Variants in LAMA5 observed in about 807,000 individuals in gnomAD.
LAMA5 encodes the protein laminin subunit alpha 5.
In LAMA5, 260 loss-of-function variants were observed where a neutral mutation model predicts 433.4. The observed-to-expected ratio is 0.60, with a 90% CI of 0.54 to 0.66. The LOEUF is 0.66. Ranked by LOEUF, LAMA5 falls within the 30% of genes least tolerant of loss-of-function variation. The pLI is 0.00. For synonymous variants in LAMA5, 2,620 were observed against 2,226.6 expected, an observed-to-expected ratio of 1.18 and a Z score of -4.97; for missense variants, 5,378 against 5,258.5, an observed-to-expected ratio of 1.02 and a Z score of -0.70.
Position 62,322,698 on chromosome 20 carries a change from C to A in LAMA5, c.6125G>T (p.Cys2042Phe). Residue 2042 changes from cysteine (C) to phenylalanine (F), a missense_variant, in exon 46 of 80, where the codon TGC becomes TTC. Physicochemically the swap from Cys to Phe is radical, Grantham distance 205. Transcript: ENST00000252999. ...ACDPHSGHCL[C>F]KAGVTGRRCD... ...GCGCCGCCCAGTCACGCCCGCCTTG[C>A]ACAGGCAGTGCCCGCTGTGGGGGTC... 6.5e-7 allele frequency: 1 copy of A among 1,549,122 alleles called. No individual in the cohort carries two copies. The highest frequency in any genetic ancestry group is 8.7e-7 in the Non-Finnish European group (1 of 1,149,072).
At position 62,312,351 on chromosome 20, in the gene LAMA5, C is replaced by T. The variant is rs762393154; in HGVS notation, c.9361-35G>A. 7 of 1,602,724 alleles carry T rather than the reference C, an allele frequency of 4.4e-6. No homozygotes were observed. In the Admixed American group the frequency reaches 1.0e-4, roughly 23 times the overall value. ...GGCCATCCCTGAGTGCCCGCGGGTG[C>T]CCCTGCATGTCCACAGATGCCACCC... On this transcript the variant is annotated intron_variant, in intron 68 of 79. Transcript: ENST00000252999.
chr20:62,330,432 G>C, intron 31 of LAMA5, 56 bp downstream of exon 31: 2 of 1,470,966 alleles, frequency 1.4e-6, no homozygotes, highest in Non-Finnish European at 1.8e-6. Context: ...TGTGGCGCCG[G>C]CATTCCAGCC....
chr20:62,312,769 G>T lies in LAMA5; in HGVS notation c.9090C>A (p.Phe3030Leu). 1 of 1,590,680 alleles carries T rather than the reference G, an allele frequency of 6.3e-7. No individual in the cohort carries two copies. Among genetic ancestry groups the T allele is most frequent in the Non-Finnish European group, 8.5e-7 (1 of 1,171,164 alleles). ...LTSASKAIQVFLLGGSRKRVL... is the reference protein window; with the variant it reads ...LTSASKAIQVLLLGGSRKRVL... ...CACGCTTGCGGCTGCCCCCCAGCAG[G>T]AACACCTGGATCTACAGGACCAGTG... is the stretch of plus-strand genomic sequence containing the variant. Residue 3030 changes from phenylalanine to leucine, a missense_variant, in exon 67 of 80, where the codon TTC (phenylalanine) becomes TTA (leucine). By Grantham distance (22) the Phe-to-Leu change is conservative (BLOSUM62 0). Transcript: ENST00000252999.
chr20:62,312,145 G>A, intron 69 of LAMA5, 28 bp downstream of exon 69: 1 of 1,609,910 alleles, frequency 6.2e-7, no homozygotes, highest in Non-Finnish European at 8.5e-7. Context: ...CCGCGGGGTG[G>A]GGAATGGGCA....
chr20:62,358,103 G>C (rs1046646461), intron 2 of LAMA5, among the ~76,000 whole-genome samples: 1 of 152,160 alleles, frequency 6.6e-6, no homozygotes, highest in South Asian at 2.1e-4. Flanking sequence ...GGCCTGGGGG[G>C]TCTAGGTGGG....
Position 62,333,137 on chromosome 20 carries a change from G to T in LAMA5, c.3235C>A (p.Gln1079Lys). ...AGTGGCGGGTGCGACGGGCTGAGCT[G>T]CTCCGTGGGGCAGGGCCGGGGCAGG... ...NSLPRPCPTE[Q>K]LSPSHPPLIT... The change falls in exon 26 of 80, where the codon CAG becomes AAG. Residue 1079 changes from glutamine (Q) to lysine (K), a missense_variant. Gln to Lys is a moderately conservative substitution (Grantham distance 53, BLOSUM62 1). Coordinates refer to ENST00000252999, the MANE Select transcript of LAMA5 (RefSeq NM_005560.6). The T allele has an allele frequency of 6.7e-7, 1 of 1,502,878 alleles. No homozygotes were observed. Among genetic ancestry groups the T allele is most frequent in the Non-Finnish European group, 8.9e-7 (1 of 1,128,726 alleles). 93.1% of individuals were successfully genotyped at this position (1,502,878 alleles called of 1,614,324 possible).
At chr20:62,358,400 T>C (rs1286505680) in intron 2 of LAMA5, among the ~76,000 whole-genome samples, 1 of 152,168 alleles carries the variant, frequency 6.6e-6, no homozygotes, top group Non-Finnish European at 1.5e-5. Flanking sequence ...CGCCGAGCTC[T>C]GTAACTAGAG....
In LAMA5 at chr20:62,346,107, C is replaced by T. The variant is rs1337281628; in HGVS notation, c.1391G>A (p.Gly464Asp). The part of the protein sequence containing the change: ...SGERCDVCAE[G>D]FTGFPSCYPT... ...GTAGCAGCTTGGGAAGCCCGTGAAG[C>T]CCTCGGCACACACGTCACACCGCTC... The change falls in exon 10 of 80, where the codon GGC becomes GAC. Residue 464 changes from glycine (G) to aspartate (D), a missense_variant. By Grantham distance (94) the Gly-to-Asp change is moderately conservative. Transcript: ENST00000252999. The T allele has an allele frequency of 1.2e-6, 2 of 1,612,896 alleles. No individual in the cohort carries two copies. The highest frequency in any genetic ancestry group is 1.7e-6 in the Non-Finnish European group (2 of 1,180,004).
At chr20:62,348,784 G>C (rs1983751515) in intron 6 of LAMA5, among the ~76,000 whole-genome samples, 3 of 152,152 alleles carry the variant, frequency 2.0e-5, no homozygotes, top group Non-Finnish European at 1.5e-5. Context: ...CAGTGGAAGA[G>C]AGATTTAGTG....
chr20:62,336,883 GC>G, intron 16 of LAMA5, 97 bp from the exon 17 acceptor site: 4 of 1,230,902 alleles, frequency 3.2e-6, no homozygotes, highest in Non-Finnish European at 4.7e-6. Flanking sequence ...TCCCACAGGA[GC>G]TGAGGACCAG....
chr20:62,361,270 G>C (rs1362137298), intron 2 of LAMA5, among the ~76,000 whole-genome samples: 1 of 152,136 alleles, frequency 6.6e-6, no homozygotes, highest in Non-Finnish European at 1.5e-5. Flanking sequence ...GGCAGGGCTA[G>C]GGGCCTGGCA....
chr20:62,312,324 G>A lies in LAMA5; in HGVS notation c.9361-8C>T, dbSNP rs374898984. 77 of 1,607,838 alleles carry A rather than the reference G, an allele frequency of 4.8e-5. No individual in the cohort carries two copies. The highest frequency in any genetic ancestry group is 5.0e-5 in the Admixed American group (3 of 59,782). On this transcript the variant is annotated splice_polypyrimidine_tract_variant and splice_region_variant and intron_variant, in intron 68 of 79. Transcript: ENST00000252999. ...AGTCATGGCGCGCCCCACCTGCGGG[G>A]AGGCCATCCCTGAGTGCCCGCGGGT...
At position 62,313,758 on chromosome 20, in the gene LAMA5, ATC is replaced by A; in HGVS notation, c.8547_8548del (p.Gln2849HisfsTer8). On this transcript the variant is annotated frameshift_variant, in exon 63 of 80. Transcript: ENST00000252999. LOFTEE classifies it high-confidence loss of function. ...CGTGTCACCCTTGGTTTCCTGGATC[ATC>A]TGTCTCTCCACTGTGACGGACATGT... 1.2e-6 allele frequency: 2 copies of A among 1,612,900 alleles called. No individual in the cohort carries two copies. The highest frequency in any genetic ancestry group is 1.7e-6 in the Non-Finnish European group (2 of 1,179,974).
intron 6 of LAMA5, among the ~76,000 whole-genome samples, chr20:62,350,452 G>A (rs1259719394): frequency 1.3e-5 from 2 of 152,122 alleles, no homozygotes; most frequent in Non-Finnish European, 2.9e-5. Flanking sequence ...CAGGGCTCCC[G>A]CCTCTGCTCG....
rs1979850373 is a variant in LAMA5 at position 62,329,074 on chromosome 20, G to A, written c.4236-19C>T. The A allele has an allele frequency of 1.9e-6, 3 of 1,612,298 alleles. No individual in the cohort carries two copies. The highest frequency in any genetic ancestry group is 3.3e-5 in the Admixed American group (2 of 59,970). The stretch of plus-strand genomic sequence containing the variant: ...GCTGGGGCTACATGGAGGGGCACGT[G>A]GTGAGGCCAGCTCCCGGCCCAGACC... On this transcript the variant is annotated intron_variant, in intron 33 of 79. Coordinates refer to ENST00000252999, the MANE Select transcript of LAMA5 (RefSeq NM_005560.6).
At chr20:62,322,621 CCCCA>C in intron 46 of LAMA5, 33 bp downstream of exon 46, 1 of 1,101,190 alleles carries the variant, frequency 9.1e-7, no homozygotes, top group Non-Finnish European at 1.3e-6. Flanking sequence ...AGTCCCTAGG[CCCCA>C]CCCACCCAGC....
chr20:62,319,038 C>T, intron 51 of LAMA5, 25 bp from the exon 52 acceptor site: 1 of 1,521,406 alleles, frequency 6.6e-7, no homozygotes. Flanking sequence ...TTCGTCAGAG[C>T]CTGGGGCCGC....
chr20:62,309,180 A>ATTCT lies in LAMA5; in HGVS notation c.*152_*155dup, dbSNP rs1985777538. The ATTCT allele has an allele frequency of 1.3e-6, 1 of 757,794 alleles. No homozygotes were observed. The highest frequency in any genetic ancestry group is 1.8e-5 in the African/African-American group (1 of 56,234). 46.9% of individuals were successfully genotyped at this position (757,794 alleles called of 1,614,324 possible). The stretch of plus-strand genomic sequence containing the variant: ...ATATAAAAACATTTTGCAGTATTTT[A>ATTCT]TTCTTTCGTTTAAGAAGCTATAACT... On this transcript the variant is annotated 3_prime_UTR_variant, in exon 80 of 80. Coordinates refer to ENST00000252999, the MANE Select transcript of LAMA5 (RefSeq NM_005560.6).
chr20:62,333,483 T>C lies in LAMA5; in HGVS notation c.3022-2A>G. The C allele has an allele frequency of 2.5e-6, 4 of 1,610,654 alleles. No individual in the cohort carries two copies. The highest frequency in any genetic ancestry group is 3.4e-6 in the Non-Finnish European group (4 of 1,179,080). On this transcript the variant is annotated splice_acceptor_variant, in intron 24 of 79. Transcript: ENST00000252999. LOFTEE classifies it high-confidence loss of function. ...GCTAGGCAGCAGAACCACGTAGTCC[T>C]GCAGGGTGGAGGTGGTGCTGAGAGT...
Sources: allele counts gnomAD v4.1 joint callset (sites outside exome capture counted in the v4.1 genomes callset), GRCh38; gene constraint gnomAD v4.1.1; transcripts MANE v1.5; gene names NCBI Gene and HGNC (gene_info 2026-07-23, HGNC 2026-07-21).